Variants in GPC6 observed in about 807,000 individuals in gnomAD.
GPC6 encodes the protein glypican-6.
In GPC6, 14 loss-of-function variants were observed where a neutral mutation model predicts 55.2. The observed-to-expected ratio is 0.25, with a 90% confidence interval of 0.17 to 0.40. GPC6 has a LOEUF of 0.40. GPC6 is among the 10% of genes least tolerant of loss of function. The pLI is 1.00. For missense variants in GPC6, 641 were observed against 708.5 expected (o/e 0.90, Z 1.08); for synonymous variants, 278 against 259.6 (o/e 1.07, Z -0.68).
At chr13:94,052,747 T>G (rs1247177907) in intron 4 of GPC6, among the ~76,000 whole-genome samples, 1 of 152,168 alleles carries the variant, frequency 6.6e-6, no homozygotes, top group African/African-American at 2.4e-5. Flanking sequence ...GGGCCTGCCT[T>G]AGCCAGGCAA....
At chr13:94,372,229 A>C (rs1879583164) in intron 6 of GPC6, among the ~76,000 whole-genome samples, 1 of 152,166 alleles carries the variant, frequency 6.6e-6, no homozygotes, top group Non-Finnish European at 1.5e-5. Context: ...CCGAATAGGA[A>C]CAGCTCCAGT....
intron 1 of GPC6, among the ~76,000 whole-genome samples, chr13:93,351,242 CA>C (rs1341897563): frequency 6.6e-6 from 1 of 152,026 alleles, no homozygotes; most frequent in Non-Finnish European, 1.5e-5. Context: ...ATAGTAGTTG[CA>C]GTTAAACAAA....
chr13:93,445,913 C>T (rs1877979720), intron 1 of GPC6, among the ~76,000 whole-genome samples: 1 of 152,104 alleles, frequency 6.6e-6, no homozygotes, highest in African/African-American at 2.4e-5. Context: ...AAAGAAATTT[C>T]CACTGGGCTT....
intron 4 of GPC6, among the ~76,000 whole-genome samples, chr13:94,044,022 T>C (rs1883634807): frequency 6.6e-6 from 1 of 151,700 alleles, no homozygotes; most frequent in Admixed American, 6.6e-5. Context: ...TATTTTGGAG[T>C]AGGATATGAA....
intron 2 of GPC6, among the ~76,000 whole-genome samples, chr13:93,564,663 C>A (rs988535608): frequency 6.6e-6 from 1 of 152,042 alleles, no homozygotes. Flanking sequence ...TTTTTTTTCC[C>A]TTCTTCTGAA....
At chr13:93,600,883 G>A (rs912093001) in intron 2 of GPC6, among the ~76,000 whole-genome samples, 1 of 144,704 alleles carries the variant, frequency 6.9e-6, no homozygotes, top group Non-Finnish European at 1.5e-5. Context: ...CCAGGAGGCA[G>A]AGGTTGCAGT....
intron 1 of GPC6, among the ~76,000 whole-genome samples, chr13:93,304,212 G>A (rs1374318875): frequency 2.6e-5 from 4 of 152,100 alleles, no homozygotes. Flanking sequence ...AACGTGTAGT[G>A]CAAGGGGAGG....
At chr13:93,877,756 T>A (rs1335180306) in intron 3 of GPC6, among the ~76,000 whole-genome samples, 1 of 152,032 alleles carries the variant, frequency 6.6e-6, no homozygotes, top group Non-Finnish European at 1.5e-5. Context: ...GTTAGAAGAG[T>A]TGTAAATTTA....
At chr13:94,217,473 G>A (rs1020839683) in intron 4 of GPC6, among the ~76,000 whole-genome samples, 2 of 152,152 alleles carry the variant, frequency 1.3e-5, no homozygotes, top group Admixed American at 6.6e-5. Context: ...GCAGCCCATG[G>A]TGAATCCTGG....
chr13:93,964,867 T>A (rs1566625491), intron 3 of GPC6, among the ~76,000 whole-genome samples: 1 of 152,138 alleles, frequency 6.6e-6, no homozygotes, highest in Non-Finnish European at 1.5e-5. Flanking sequence ...CTCATTCTGT[T>A]CCGCTGACTT....
In GPC6 at chr13:93,793,965, T is replaced by C. The variant is rs965780817; in HGVS notation, c.320-36189T>C. ...TTATCTGTCTATTAATGTTTTTGTCTCTATTAAACATTTTCCATGGATCAT... is the reference window on the plus strand; with the variant it reads ...TTATCTGTCTATTAATGTTTTTGTCCCTATTAAACATTTTCCATGGATCAT... On this transcript the variant is annotated intron_variant, in intron 2 of 8. Transcript: ENST00000377047. Among the ~76,000 whole-genome samples, 5 of 152,336 alleles carry C rather than the reference T, an allele frequency of 3.3e-5. No homozygotes were observed. In the South Asian group the frequency reaches 1.0e-3, roughly 32 times the overall value.
chr13:94,396,207 T>C (rs902223396), intron 7 of GPC6, among the ~76,000 whole-genome samples: 2 of 152,162 alleles, frequency 1.3e-5, no homozygotes, highest in African/African-American at 4.8e-5. Flanking sequence ...CGTTTATAAA[T>C]AGCGTCTTCT....
chr13:94,372,812 C>G (rs1350572654), intron 6 of GPC6, among the ~76,000 whole-genome samples: 1 of 152,174 alleles, frequency 6.6e-6, no homozygotes, highest in Non-Finnish European at 1.5e-5. Flanking sequence ...TTAAATGTCC[C>G]TGTCTGACAG....
Position 94,403,134 on chromosome 13 carries a change from T to C in GPC6, c.1585T>C (p.Ser529Pro). The change falls in exon 9 of 9, where the codon TCT becomes CCT. Residue 529 changes from serine (S) to proline (P), a missense_variant. Ser to Pro is a moderately conservative substitution (Grantham distance 74, BLOSUM62 -1). Coordinates refer to ENST00000377047, the MANE Select transcript of GPC6 (RefSeq NM_005708.5). ...AVDPDRREVD[S>P]SAAQRGHSLL... ...GGATCCCGACCGGAGAGAGGTGGAC[T>C]CTTCTGCAGCCCAGCGTGGCCACTC... The C allele has an allele frequency of 6.2e-7, 1 of 1,614,024 alleles. No individual in the cohort carries two copies. Among genetic ancestry groups the C allele is most frequent in the Non-Finnish European group, 8.5e-7 (1 of 1,179,848 alleles).
chr13:93,856,040 T>A (rs1888598667), intron 3 of GPC6, among the ~76,000 whole-genome samples: 1 of 151,630 alleles, frequency 6.6e-6, no homozygotes, highest in Non-Finnish European at 1.5e-5. Context: ...TTTAATGAAG[T>A]CCAGTGTATT....
At chr13:93,510,749 C>T (rs1229702702) in intron 1 of GPC6, among the ~76,000 whole-genome samples, 4 of 151,036 alleles carry the variant, frequency 2.6e-5, no homozygotes, top group Admixed American at 6.6e-5. Context: ...TTTCTACTAG[C>T]GTGTTACCAC....
intron 4 of GPC6, among the ~76,000 whole-genome samples, chr13:94,104,208 A>G (rs1386675936): frequency 6.6e-6 from 1 of 152,046 alleles, no homozygotes; most frequent in African/African-American, 2.4e-5. Flanking sequence ...GTGTGGTATT[A>G]TTTCTGAGGG....
chr13:93,981,613 A>G (rs1182494155), intron 3 of GPC6, among the ~76,000 whole-genome samples: 1 of 152,136 alleles, frequency 6.6e-6, no homozygotes, highest in Non-Finnish European at 1.5e-5. Flanking sequence ...GCTCATTACT[A>G]TATCCTGGTT....
chr13:93,273,452 A>T (rs1877615124), intron 1 of GPC6, among the ~76,000 whole-genome samples: 2 of 152,134 alleles, frequency 1.3e-5, no homozygotes, highest in South Asian at 4.1e-4. Context: ...AGGTCAGGAG[A>T]TCGAGACCAT....
Sources: gnomAD v4.1 joint callset for allele counts (sites outside exome capture counted in the v4.1 genomes callset) on GRCh38, gnomAD v4.1.1 for gene constraint, MANE v1.5 for transcripts, NCBI Gene and HGNC (gene_info 2026-07-23, HGNC 2026-07-21) for gene names.